The following POLDIP3 variants were observed in gnomAD, a reference collection of about 807,000 sequenced individuals.
The protein encoded by POLDIP3 is polymerase delta-interacting protein 3.
POLDIP3 carries 14 observed loss-of-function variants against 45.1 expected under a neutral mutation model. The observed-to-expected ratio is 0.31, with a 90% CI of 0.20 to 0.49. POLDIP3 has a LOEUF of 0.49. Ranked by LOEUF, POLDIP3 falls within the 20% of genes least tolerant of loss-of-function variation. The pLI is 0.99. For synonymous variants in POLDIP3, 223 were observed against 205.2 expected, an observed-to-expected ratio of 1.09 and a Z score of -0.74; for missense variants, 511 against 538.8, an observed-to-expected ratio of 0.95 and a Z score of 0.51.
Position 42,584,487 on chromosome 22 carries a change from C to G in POLDIP3, c.*1304G>C. ...CATGTGCCTTTTCCAGCACTTGCTA[C>G]TGATTTTGCAGAGCTCCCAGAACCG... is the stretch of plus-strand genomic sequence containing the variant. On this transcript the variant is annotated 3_prime_UTR_variant, in exon 9 of 9. Transcript: ENST00000252115. The G allele has an allele frequency of 5.8e-6, 1 of 172,354 alleles. No individual in the cohort carries two copies. Among genetic ancestry groups the G allele is most frequent in the Non-Finnish European group, 1.3e-5 (1 of 78,886 alleles). The allele number at this position is 172,354 out of a possible 1,614,324, so 10.7% of individuals were successfully genotyped here. A position where few individuals can be genotyped will look rare whatever the true frequency, so the allele number is the denominator to read the frequency against.
At chr22:42,598,423 TG>T (rs199911307) in intron 4 of POLDIP3, among the ~76,000 whole-genome samples, 16,161 of 151,700 alleles carry the variant, frequency 0.11, 1,817 homozygotes, top group East Asian at 0.69. Flanking sequence ...GCTAATTTTT[TG>T]GTATTTTTAG....
chr22:42,597,968 G>A (rs1220280721), intron 4 of POLDIP3, among the ~76,000 whole-genome samples: 2 of 151,642 alleles, frequency 1.3e-5, no homozygotes, highest in African/African-American at 2.4e-5. Context: ...TAGTAGAGAC[G>A]GGATTTCACC....
At chr22:42,595,353 C>T (rs981267704) in intron 6 of POLDIP3, among the ~76,000 whole-genome samples, 184 bp downstream of exon 6, 2 of 152,238 alleles carry the variant, frequency 1.3e-5, no homozygotes, top group African/African-American at 2.4e-5. Context: ...CTCGTTTCCC[C>T]CCGACTTCAC....
chr22:42,585,597 A>C lies in POLDIP3; in HGVS notation c.*194T>G. Reference sequence around the variant, plus strand: ...AAGAAACATACTACAGGAAACGTTAACGTAGAGAGAAGAGCACAGGGCAGA... The same window carrying C: ...AAGAAACATACTACAGGAAACGTTACCGTAGAGAGAAGAGCACAGGGCAGA... On this transcript the variant is annotated 3_prime_UTR_variant, in exon 9 of 9. Coordinates refer to ENST00000252115, the MANE Select transcript of POLDIP3 (RefSeq NM_032311.5). 3.2e-6 allele frequency: 2 copies of C among 634,658 alleles called. No homozygotes were observed. The highest frequency in any genetic ancestry group is 5.5e-6 in the Non-Finnish European group (2 of 364,782). The allele number at this position is 634,658 out of a possible 1,614,324, so 39.3% of individuals were successfully genotyped here.
At chr22:42,608,263 C>G (rs920095845) in intron 1 of POLDIP3, among the ~76,000 whole-genome samples, 4 of 130,178 alleles carry the variant, frequency 3.1e-5, no homozygotes, top group South Asian at 2.7e-4. Context: ...ACCCCCCCCC[C>G]CAAAAAAAAA....
intron 7 of POLDIP3, among the ~76,000 whole-genome samples, chr22:42,589,437 C>CA (rs1462450219): frequency 6.6e-6 from 1 of 152,092 alleles, no homozygotes; most frequent in Non-Finnish European, 1.5e-5. Context: ...AGAAAACAAT[C>CA]AAACATATAT....
chr22:42,599,165 C>A (rs1926186991), intron 4 of POLDIP3, among the ~76,000 whole-genome samples: 1 of 152,238 alleles, frequency 6.6e-6, no homozygotes, highest in African/African-American at 2.4e-5. Context: ...CACCTAGGAG[C>A]TGCAGCCCTG....
At chr22:42,594,561 G>A (rs1267642782) in intron 6 of POLDIP3, among the ~76,000 whole-genome samples, 1 of 152,168 alleles carries the variant, frequency 6.6e-6, no homozygotes, top group Admixed American at 6.5e-5. Context: ...AGTGACCAGT[G>A]CAGTCTGTTA....
rs1005945043 is a variant in POLDIP3 at position 42,599,933 on chromosome 22, G to A, written c.538-140C>T. The A allele has an allele frequency of 1.6e-5, 10 of 618,094 alleles. No individual in the cohort carries two copies. In the East Asian group the frequency reaches 2.6e-4, roughly 16 times the overall value. 38.3% of individuals were successfully genotyped at this position (618,094 alleles called of 1,614,324 possible). A position where few individuals can be genotyped will look rare whatever the true frequency, so the allele number is the denominator to read the frequency against. ...AGTGGGCACAGGGGTGACGGTGCCT[G>A]GAAAGACTGGGGCCCAAGTCTTCAC... On this transcript the variant is annotated intron_variant, in intron 3 of 8. Transcript: ENST00000252115.
At chr22:42,608,239 TA>T (rs1444580222) in intron 1 of POLDIP3, among the ~76,000 whole-genome samples, 1 of 149,160 alleles carries the variant, frequency 6.7e-6, no homozygotes, top group Non-Finnish European at 1.5e-5. Context: ...GGGATGCTGT[TA>T]ATCTATAACC....
At chr22:42,608,205 T>A (rs1335530362) in intron 1 of POLDIP3, among the ~76,000 whole-genome samples, 1 of 151,764 alleles carries the variant, frequency 6.6e-6, no homozygotes, top group Non-Finnish European at 1.5e-5. Context: ...TTTTGTTCTG[T>A]ACTAAGAAAA....
intron 4 of POLDIP3, chr22:42,597,613 C>T (rs145088854): frequency 3.8e-5 from 17 of 446,800 alleles, no homozygotes; most frequent in Middle Eastern, 3.4e-4. Flanking sequence ...GGGTACAAGA[C>T]GCATGAGTAT....
chr22:42,589,385 A>G (rs1371463276), intron 7 of POLDIP3, among the ~76,000 whole-genome samples: 1 of 152,250 alleles, frequency 6.6e-6, no homozygotes, highest in African/African-American at 2.4e-5. Flanking sequence ...GACTAGAGGT[A>G]AAGAGAGATT....
chr22:42,585,094 GA>G lies in POLDIP3; in HGVS notation c.*696del. 2.3e-6 allele frequency: 1 copy of G among 441,634 alleles called. No homozygotes were observed. The allele number at this position is 441,634 out of a possible 1,614,324, so 27.4% of individuals were successfully genotyped here. A position where few individuals can be genotyped will look rare whatever the true frequency, so the allele number is the denominator to read the frequency against. On this transcript the variant is annotated 3_prime_UTR_variant, in exon 9 of 9. Coordinates refer to ENST00000252115, the MANE Select transcript of POLDIP3 (RefSeq NM_032311.5). ...GGTGGGGCATTCAGCACAACTCAAG[GA>G]AAAGGGAAAGGTGAACTCTGGAGAA...
rs769018751 is a variant in POLDIP3, at chr22:42,585,002, G to C, written c.*789C>G. Reference sequence around the variant, plus strand: ...GGTGTGGTTAAGTGCCAGGCGAGGTGAGAACCGGGAGGGCTCACAACACAG... The same window carrying C: ...GGTGTGGTTAAGTGCCAGGCGAGGTCAGAACCGGGAGGGCTCACAACACAG... On this transcript the variant is annotated 3_prime_UTR_variant, in exon 9 of 9. Coordinates refer to ENST00000252115, the MANE Select transcript of POLDIP3 (RefSeq NM_032311.5). 9 of 456,358 alleles carry C rather than the reference G, an allele frequency of 2.0e-5. No individual in the cohort carries two copies. The highest frequency in any genetic ancestry group is 1.4e-4 in the South Asian group (9 of 64,568). The allele number at this position is 456,358 out of a possible 1,614,324, so 28.3% of individuals were successfully genotyped here.
chr22:42,600,502 T>C (rs1215142356), intron 3 of POLDIP3, among the ~76,000 whole-genome samples: 1 of 151,958 alleles, frequency 6.6e-6, no homozygotes, highest in African/African-American at 2.4e-5. Context: ...GGCATGCGCC[T>C]GTAGTCCCAG....
Position 42,595,524 on chromosome 22 carries a change from T to A in POLDIP3, c.891+13A>T, listed in dbSNP as rs1925931410. 6.2e-7 allele frequency: 1 copy of A among 1,611,218 alleles called. No homozygotes were observed. Among genetic ancestry groups the A allele is most frequent in the African/African-American group, 1.3e-5 (1 of 74,854 alleles). ...GTTTGAGATTTAAATGTTTGGTAGG[T>A]CACAGTACTTACAACAATGTCCTCC... is the stretch of plus-strand genomic sequence containing the variant. On this transcript the variant is annotated intron_variant, in intron 6 of 8. Transcript: ENST00000252115.
At chr22:42,607,572 G>A (rs559891762) in intron 1 of POLDIP3, among the ~76,000 whole-genome samples, 89 of 145,058 alleles carry the variant, frequency 6.1e-4, no homozygotes, top group African/African-American at 2.2e-3. Flanking sequence ...GCCGCCCATC[G>A]TCTGGGATGT....
intron 1 of POLDIP3, among the ~76,000 whole-genome samples, chr22:42,612,454 G>A (rs1033755696): frequency 6.6e-6 from 1 of 152,218 alleles, no homozygotes; most frequent in Non-Finnish European, 1.5e-5. Context: ...CAGGGGCGTT[G>A]TGTGCTTCTA....
Sources: allele counts gnomAD v4.1 joint callset (sites outside exome capture counted in the v4.1 genomes callset), GRCh38; gene constraint gnomAD v4.1.1; transcripts MANE v1.5; gene names NCBI Gene and HGNC (gene_info 2026-07-23, HGNC 2026-07-21).